CARD8: variants seen among roughly 807,000 people sequenced by gnomAD.
CARD8 encodes the protein caspase recruitment domain family member 8.
Under a neutral mutation model 53.2 loss-of-function variants are expected in CARD8, and 38 were observed. The ratio of observed to expected loss-of-function variants is 0.71; its 90% CI spans 0.55 to 0.94. The LOEUF (loss-of-function observed/expected upper bound fraction) is 0.94, where lower values mean the gene tolerates loss of function less well. Among genes scored for constraint, CARD8 ranks in the 40% least tolerant of loss-of-function variants. The pLI, the probability that CARD8 is intolerant of heterozygous loss-of-function variation, is 0.00. For synonymous variants in CARD8, 245 were observed against 244.9 expected, an observed-to-expected ratio of 1.00 and a Z score of 0.00; for missense variants, 561 against 655.5, an observed-to-expected ratio of 0.86 and a Z score of 1.57.
At chr19:48,240,498 G>C (rs1252483598) in intron 4 of CARD8, among the ~76,000 whole-genome samples, 3 of 152,200 alleles carry the variant, frequency 2.0e-5, no homozygotes, top group Non-Finnish European at 4.4e-5. Context: ...GCCAGGCGCA[G>C]TGGCTCACTC....
intron 10 of CARD8, among the ~76,000 whole-genome samples, chr19:48,228,183 T>C (rs760848612): frequency 7.9e-5 from 12 of 152,246 alleles, no homozygotes; most frequent in Non-Finnish European, 1.3e-4. Flanking sequence ...ACCATCTAGC[T>C]GCAGAAAAAG....
Position 48,230,579 on chromosome 19 carries a change from C to G in CARD8, c.894G>C (p.Leu298=), listed in dbSNP as rs369003854. 22 of 1,614,134 alleles carry G rather than the reference C, an allele frequency of 1.4e-5. No individual in the cohort carries two copies. The highest frequency in any genetic ancestry group is 1.4e-5 in the Non-Finnish European group (17 of 1,180,042). The change falls in exon 10 of 14, where the codon CTG becomes CTC. Residue 298 remains leucine, a synonymous_variant. Transcript: ENST00000651546. ...YAVLESPSFS[L]MGILLRIASG... ...TGGCGATCCGCAGCAGGATGCCCAT[C>G]AGAGAGAAGCTGGGGCTTTCCAGGA...
intron 6 of CARD8, 86 bp downstream of exon 6, chr19:48,234,317 A>G: frequency 2.2e-6 from 3 of 1,386,656 alleles, no homozygotes; most frequent in Non-Finnish European, 3.0e-6. Flanking sequence ...TCGATGAAAA[A>G]CACCCAAATT....
At position 48,211,894 on chromosome 19, in the gene CARD8, T is replaced by A; in HGVS notation, c.1430A>T (p.Asp477Val). The change falls in exon 14 of 14, where the codon GAC becomes GTC. Residue 477 changes from aspartate to valine, a missense_variant. Physicochemically the swap from Asp to Val is radical, Grantham distance 152. Transcript: ENST00000651546. ...DLKGVLDDLQ[D>V]NEVLTENEKE... Reference sequence around the variant, plus strand: ...CTCATTCTCAGTAAGAACCTCATTGTCTTGGAGATCATCGAGCACCCCTTT... The same window carrying A: ...CTCATTCTCAGTAAGAACCTCATTGACTTGGAGATCATCGAGCACCCCTTT... 6.2e-7 allele frequency: 1 copy of A among 1,614,116 alleles called. No homozygotes were observed. The highest frequency in any genetic ancestry group is 8.5e-7 in the Non-Finnish European group (1 of 1,179,990).
chr19:48,249,538 G>C lies in CARD8; in HGVS notation c.-59C>G, dbSNP rs1432156873. The C allele has an allele frequency of 6.6e-6, 1 of 152,304 alleles. No homozygotes were observed. The allele number at this position is 152,304 out of a possible 1,614,324, so 9.4% of individuals were successfully genotyped here. A position where few individuals can be genotyped will look rare whatever the true frequency, so the allele number is the denominator to read the frequency against. On this transcript the variant is annotated 5_prime_UTR_variant, in exon 3 of 14. It adds an upstream start codon to the 5' untranslated region. Coordinates refer to ENST00000651546, the MANE Select transcript of CARD8 (RefSeq NM_001184900.3). ...TCCTACTCACATTGAAGATGGCCCA[G>C]ATGCTTGCACTAACCGCGTTTACCG...
rs536212135 is a variant in CARD8 at position 48,232,492 on chromosome 19, C to G, written c.352G>C (p.Val118Leu). 246 of 1,535,722 alleles carry G rather than the reference C, an allele frequency of 1.6e-4. No homozygotes were observed. The highest frequency in any genetic ancestry group is 2.1e-4 in the Non-Finnish European group (236 of 1,146,604). ...TCTGAAGATTCCTGCTCTTCTGATA[C>G]ACTGGAGGTTGGGATCCCCATGTTA... Reference protein sequence around the residue: ...CQLSGGDIPSVSEEQESSEGQ... With the variant: ...CQLSGGDIPSLSEEQESSEGQ... Residue 118 changes from valine (V) to leucine (L), a missense_variant and splice_region_variant, in exon 7 of 14, where the codon GTA becomes CTA. Transcript: ENST00000651546.
chr19:48,250,864 A>G (rs1443896957), intron 1 of CARD8, among the ~76,000 whole-genome samples: 1 of 152,242 alleles, frequency 6.6e-6, no homozygotes, highest in Non-Finnish European at 1.5e-5. Flanking sequence ...AAAATTTAAC[A>G]AGTAACACAT....
intron 13 of CARD8, among the ~76,000 whole-genome samples, chr19:48,212,797 C>T (rs777644793): frequency 2.0e-5 from 3 of 152,208 alleles, no homozygotes; most frequent in Non-Finnish European, 2.9e-5. Context: ...TATTTTAGGA[C>T]GTCACCTTTA....
intron 1 of CARD8, among the ~76,000 whole-genome samples, chr19:48,250,324 G>A (rs1045990542): frequency 6.6e-6 from 1 of 152,210 alleles, no homozygotes; most frequent in Non-Finnish European, 1.5e-5. Flanking sequence ...ACATTAGTCT[G>A]AGGTTGGACA....
Position 48,234,464 on chromosome 19 carries a change from CCT to C in CARD8, c.287_288del (p.Glu96GlyfsTer11), listed in dbSNP as rs1248908582. 3.1e-6 allele frequency: 5 copies of C among 1,613,766 alleles called. No homozygotes were observed. The highest frequency in any genetic ancestry group is 1.7e-5 in the Admixed American group (1 of 59,972). On this transcript the variant is annotated frameshift_variant, in exon 6 of 14. Transcript: ENST00000651546. LOFTEE classifies it high-confidence loss of function. ...ACAGCACGGAACAATAATGGCTCTG[CCT>C]CTGTCTCATCATCTTCTTGGAAAAA... ...SHFFQEDDET[E>X]AEPLLFRAVP...
chr19:48,211,708 T>C lies in CARD8; in HGVS notation c.*2A>G, dbSNP rs1279760290. ...TCTTCCAGACTACCTAACTGACTCA[T>C]TTTACAAATTCTGCTGTCTAAGATA... On this transcript the variant is annotated 3_prime_UTR_variant, in exon 14 of 14. Coordinates refer to ENST00000651546, the MANE Select transcript of CARD8 (RefSeq NM_001184900.3). 5.0e-6 allele frequency: 8 copies of C among 1,612,896 alleles called. No homozygotes were observed. Among genetic ancestry groups the C allele is most frequent in the African/African-American group, 1.3e-5 (1 of 74,826 alleles).
intron 6 of CARD8, chr19:48,233,476 T>C (rs1003441015): frequency 1.1e-5 from 5 of 452,646 alleles, no homozygotes; most frequent in South Asian, 7.8e-5. Flanking sequence ...AAGCCAAGCA[T>C]GGAGAGACCC....
At chr19:48,215,972 A>AT (rs1447012438) in intron 12 of CARD8, among the ~76,000 whole-genome samples, 1 of 151,872 alleles carries the variant, frequency 6.6e-6, no homozygotes, top group Non-Finnish European at 1.5e-5. Flanking sequence ...CTCAGTCACC[A>AT]TGTCACCAAG....
intron 3 of CARD8, among the ~76,000 whole-genome samples, chr19:48,247,728 T>C (rs921546484): frequency 2.0e-5 from 3 of 149,054 alleles, no homozygotes; most frequent in Admixed American, 6.7e-5. Flanking sequence ...TATATATATA[T>C]ACTATACTTT....
chr19:48,230,920 G>A lies in CARD8; in HGVS notation c.629C>T (p.Ala210Val), dbSNP rs979470099. The A allele has an allele frequency of 3.1e-6, 5 of 1,614,138 alleles. No homozygotes were observed. Among genetic ancestry groups the A allele is most frequent in the African/African-American group, 1.3e-5 (1 of 75,032 alleles). Residue 210 changes from alanine (A) to valine (V), a missense_variant, in exon 9 of 14, where the codon GCG (alanine) becomes GTG (valine). Physicochemically the swap from Ala to Val is moderately conservative, Grantham distance 64. Transcript: ENST00000651546. ...LVRDEVTVTI[A>V]FGSWSQHLAL... is the part of the protein sequence containing the mutation. ...CAGGTGCTGACTCCAGGAACCAAAC[G>A]CAATCGTCACTGTGACCTCATCCCT...
chr19:48,232,982 T>C (rs950144321), intron 6 of CARD8: 4 of 356,858 alleles, frequency 1.1e-5, no homozygotes, highest in East Asian at 7.3e-5. Context: ...TATCATACGA[T>C]GTCGGAATCA....
chr19:48,236,704 G>A (rs1216633314), intron 5 of CARD8, among the ~76,000 whole-genome samples: 1 of 152,182 alleles, frequency 6.6e-6, no homozygotes, highest in East Asian at 1.9e-4. Context: ...CTATACCTGA[G>A]TTAACAGTAC....
At position 48,238,542 on chromosome 19, in the gene CARD8, C is replaced by T; in HGVS notation, c.60-10G>A. 1 of 1,536,062 alleles carries T rather than the reference C, an allele frequency of 6.5e-7. No individual in the cohort carries two copies. Among genetic ancestry groups the T allele is most frequent in the Non-Finnish European group, 8.7e-7 (1 of 1,146,806 alleles). On this transcript the variant is annotated splice_polypyrimidine_tract_variant and intron_variant, in intron 4 of 13. Transcript: ENST00000651546. ...ACTGGATCCACTGTCCCTGGGAAAA[C>T]ACAAATGGAATTGGAATGTGAGCAT...
At chr19:48,207,554 A>G (rs1282950020), downstream of CARD8, among the ~76,000 whole-genome samples, 2 of 152,056 alleles carry the variant, frequency 1.3e-5, no homozygotes, top group Non-Finnish European at 2.9e-5. Flanking sequence ...TTCATTGTCC[A>G]TTGCGATTTA....
Sources: gnomAD v4.1 joint callset for allele counts (sites outside exome capture counted in the v4.1 genomes callset) on GRCh38, gnomAD v4.1.1 for gene constraint, MANE v1.5 for transcripts, NCBI Gene and HGNC (gene_info 2026-07-23, HGNC 2026-07-21) for gene names.